Variants in LYST observed in about 807,000 individuals in gnomAD.
LYST encodes the protein lysosomal trafficking regulator, also known as lysosomal-trafficking regulator.
LYST carries 192 observed loss-of-function variants against 413.6 expected under a neutral mutation model. The ratio of observed to expected loss-of-function variants is 0.46; its 90% confidence interval spans 0.41 to 0.52. The LOEUF is 0.52. Ranked by LOEUF, LYST falls within the 20% of genes least tolerant of loss-of-function variation. The pLI is 0.00. For synonymous variants in LYST, 1,525 were observed against 1,567.3 expected (o/e 0.97, Z 0.64); for missense variants, 3,815 against 4,499.9 (o/e 0.85, Z 4.35).
intron 3 of LYST, among the ~76,000 whole-genome samples, chr1:235,822,652 C>A (rs1300443598): frequency 6.6e-6 from 1 of 152,086 alleles, no homozygotes; most frequent in Non-Finnish European, 1.5e-5. Flanking sequence ...TAATTTTGGT[C>A]AGAGAAGAGA....
intron 3 of LYST, among the ~76,000 whole-genome samples, chr1:235,816,076 G>A (rs1161604118): frequency 8.0e-6 from 1 of 124,674 alleles, no homozygotes; most frequent in African/African-American, 3.0e-5. Context: ...GATGCAGTGA[G>A]CCAAGATCAC....
At chr1:235,820,354 G>A (rs1293392396) in intron 3 of LYST, among the ~76,000 whole-genome samples, 4 of 151,886 alleles carry the variant, frequency 2.6e-5, no homozygotes, top group African/African-American at 7.3e-5. Flanking sequence ...AAAGCTAATA[G>A]GTATTTCTTT....
chr1:235,691,161 G>A (rs1209729704), intron 47 of LYST, among the ~76,000 whole-genome samples: 10 of 152,016 alleles, frequency 6.6e-5, no homozygotes, highest in South Asian at 6.2e-4. Context: ...CTTGTGATCC[G>A]CCCGCCTCGG....
At chr1:235,761,271 G>A (rs545647734) in intron 22 of LYST, among the ~76,000 whole-genome samples, 1 of 152,192 alleles carries the variant, frequency 6.6e-6, no homozygotes, top group East Asian at 1.9e-4. Flanking sequence ...CATCTCACCT[G>A]CAGTATTTAA....
intron 31 of LYST, chr1:235,737,849 A>C: frequency 2.0e-6 from 2 of 1,004,602 alleles, no homozygotes; most frequent in Non-Finnish European, 2.4e-6. Flanking sequence ...AGGAAACAGC[A>C]TTTATCCTGC....
chr1:235,678,602 T>C, intron 48 of LYST, among the ~76,000 whole-genome samples: 1 of 152,308 alleles, frequency 6.6e-6, no homozygotes. Context: ...AAAGAATAAG[T>C]ATAATAAAGA....
chr1:235,737,916 A>AAAGGTGAAGT, intron 31 of LYST: 1 of 1,163,406 alleles, frequency 8.6e-7, no homozygotes, highest in Non-Finnish European at 1.1e-6. Context: ...GCTGCCGACG[A>AAAGGTGAAGT]GTCTGGATCT....
At chr1:235,684,046 A>G (rs552860549) in intron 48 of LYST, among the ~76,000 whole-genome samples, 3 of 152,376 alleles carry the variant, frequency 2.0e-5, no homozygotes, top group Admixed American at 6.5e-5. Flanking sequence ...AATTAGCTGA[A>G]AAATCTGCTT....
chr1:235,713,814 G>A (rs1662605792), intron 42 of LYST, among the ~76,000 whole-genome samples: 1 of 152,176 alleles, frequency 6.6e-6, no homozygotes, highest in Admixed American at 6.5e-5. Flanking sequence ...TGAAACTAAT[G>A]AGATGAAAGT....
At chr1:235,845,787 G>C (rs1362564328) in intron 1 of LYST, among the ~76,000 whole-genome samples, 2 of 152,056 alleles carry the variant, frequency 1.3e-5, no homozygotes, top group African/African-American at 2.4e-5. Context: ...CACAACTCCA[G>C]TAAACTGGGA....
At chr1:235,750,591 T>C (rs192218843) in intron 28 of LYST, among the ~76,000 whole-genome samples, 301 of 152,364 alleles carry the variant, frequency 2.0e-3, no homozygotes, top group African/African-American at 7.1e-3. Flanking sequence ...TGTATGTGTG[T>C]ATATCCTGTG....
intron 21 of LYST, among the ~76,000 whole-genome samples, chr1:235,763,222 A>G (rs1667769326): frequency 6.6e-6 from 1 of 152,198 alleles, no homozygotes; most frequent in Non-Finnish European, 1.5e-5. Flanking sequence ...TATCCCCTTC[A>G]GTGTCTAATA....
intron 16 of LYST, among the ~76,000 whole-genome samples, chr1:235,778,098 A>AATATATATATATATATATATATATAT (rs139907712): frequency 1.7e-4 from 22 of 128,012 alleles, no homozygotes; most frequent in African/African-American, 7.9e-4. Context: ...AACCCAGTTA[A>AATATATATATATATATATATATATAT]ATATATATAT....
chr1:235,713,107 T>C (rs1207639915), intron 42 of LYST: 1 of 985,268 alleles, frequency 1.0e-6, no homozygotes, highest in Non-Finnish European at 1.2e-6. Context: ...AGCAACATCT[T>C]CTGTCACTTG....
intron 37 of LYST, 49 bp from the exon 38 acceptor site, chr1:235,728,180 A>AGT (rs1664061818): frequency 7.5e-7 from 1 of 1,330,790 alleles, no homozygotes; most frequent in Non-Finnish European, 1.1e-6. Flanking sequence ...TGTGCACACT[A>AGT]CCATTCATGG....
At chr1:235,845,264 T>G (rs948897419) in intron 1 of LYST, among the ~76,000 whole-genome samples, 2 of 152,152 alleles carry the variant, frequency 1.3e-5, no homozygotes, top group African/African-American at 4.8e-5. Context: ...TGACCTTACC[T>G]GAGCTGAATC....
intron 36 of LYST, among the ~76,000 whole-genome samples, chr1:235,730,428 G>A (rs1392749542): frequency 6.6e-6 from 1 of 151,806 alleles, no homozygotes; most frequent in Non-Finnish European, 1.5e-5. Flanking sequence ...TTATATTGCT[G>A]CTTGATGATA....
chr1:235,731,357 T>C (rs1664362795), intron 34 of LYST, among the ~76,000 whole-genome samples, 180 bp from the exon 35 acceptor site: 1 of 152,290 alleles, frequency 6.6e-6, no homozygotes, highest in Non-Finnish European at 1.5e-5. Flanking sequence ...AATCTAAGTG[T>C]CTTTTTGCTC....
At chr1:235,673,548 CGAA>C (rs1170350413) in intron 50 of LYST, among the ~76,000 whole-genome samples, 9 of 152,174 alleles carry the variant, frequency 5.9e-5, no homozygotes, top group Admixed American at 2.0e-4. Flanking sequence ...TCCATTTCAC[CGAA>C]GGAGTCACCG....
Sources: allele counts gnomAD v4.1 joint callset (sites outside exome capture counted in the v4.1 genomes callset), GRCh38; gene constraint gnomAD v4.1.1; transcripts MANE v1.5; gene names NCBI Gene and HGNC (gene_info 2026-07-23, HGNC 2026-07-21).